TENM4: variants seen among roughly 807,000 people sequenced by gnomAD.
The protein encoded by TENM4 is teneurin-4.
TENM4 carries 82 observed loss-of-function variants against 243.3 expected under a neutral mutation model. The ratio of observed to expected loss-of-function variants is 0.34; its 90% CI spans 0.28 to 0.40. TENM4 has a LOEUF of 0.40. TENM4 is among the 10% of genes least tolerant of loss of function. The pLI is 1.00. For missense variants in TENM4, 3,138 were observed against 3,673.3 expected (o/e 0.85, Z 3.77); for synonymous variants, 1,412 against 1,456.3 (o/e 0.97, Z 0.69).
chr11:79,143,069 C>T (rs1052718827), intron 4 of TENM4, among the ~76,000 whole-genome samples: 49 of 152,232 alleles, frequency 3.2e-4, no homozygotes, highest in African/African-American at 1.2e-3. Context: ...CACTTTTACG[C>T]TGTTGGTGGG....
intron 1 of TENM4, among the ~76,000 whole-genome samples, chr11:79,369,947 A>G (rs1200504373): frequency 1.3e-5 from 2 of 152,282 alleles, no homozygotes; most frequent in South Asian, 2.1e-4. Context: ...TTTCCAGGTG[A>G]AGCAGCTGGA....
chr11:79,097,019 T>G (rs1412896142), intron 4 of TENM4: 6 of 152,224 alleles, frequency 3.9e-5, no homozygotes, highest in Admixed American at 6.5e-5. Context: ...ACCACTAATA[T>G]TTAGTATATG....
intron 2 of TENM4, among the ~76,000 whole-genome samples, chr11:79,237,867 A>C (rs1265752940): frequency 2.6e-5 from 4 of 152,100 alleles, no homozygotes; most frequent in Non-Finnish European, 4.4e-5. Context: ...AGGGACTTCC[A>C]GATAATCAAA....
Position 78,658,406 on chromosome 11 carries a change from T to C in TENM4, c.7962A>G (p.Thr2654=). Residue 2654 remains threonine (T), a synonymous_variant, in exon 34 of 34, where the codon ACA becomes ACG. Coordinates refer to ENST00000278550, the MANE Select transcript of TENM4 (RefSeq NM_001098816.3). Reference sequence around the variant, plus strand: ...AGCGTCTAGTCCTGCCATTAAGTACTGTGTTGATCTGGGACACAGTGACGT... The same window carrying C: ...AGCGTCTAGTCCTGCCATTAAGTACCGTGTTGATCTGGGACACAGTGACGT... ...GVNVTVSQIN[T]VLNGRTRRYT... The C allele has an allele frequency of 3.1e-6, 5 of 1,614,070 alleles. No homozygotes were observed. Among genetic ancestry groups the C allele is most frequent in the Non-Finnish European group, 4.2e-6 (5 of 1,179,894 alleles).
intron 28 of TENM4, among the ~76,000 whole-genome samples, chr11:78,692,222 A>G (rs1158012007): frequency 1.3e-5 from 2 of 152,146 alleles, no homozygotes; most frequent in African/African-American, 4.8e-5. Context: ...TTTCTAACCA[A>G]GAGGAATGAA....
Position 78,805,277 on chromosome 11 carries a change from T to TGCCCCCCCCCCACA in TENM4, c.2179+14_2179+15insTGTGGGGGGGGGGC. 2 of 1,402,550 alleles carry TGCCCCCCCCCCACA rather than the reference T, an allele frequency of 1.4e-6. No individual in the cohort carries two copies. The highest frequency in any genetic ancestry group is 1.9e-6 in the Non-Finnish European group (2 of 1,033,116). 86.9% of individuals were successfully genotyped at this position (1,402,550 alleles called of 1,614,324 possible). A position where few individuals can be genotyped will look rare whatever the true frequency, so the allele number is the denominator to read the frequency against. ...CCCCTCCCTCTACCCATGCTTCTTCTCCCCCTGCATTTACCGATAGAACAG... is the reference window on the plus strand; with the variant it reads ...CCCCTCCCTCTACCCATGCTTCTTCTGCCCCCCCCCCACACCCCCTGCATTTACCGATAGAACAG... On this transcript the variant is annotated intron_variant, in intron 15 of 33. Coordinates refer to ENST00000278550, the MANE Select transcript of TENM4 (RefSeq NM_001098816.3).
At chr11:78,730,637 G>C (rs147225206) in intron 21 of TENM4, among the ~76,000 whole-genome samples, 23 of 152,346 alleles carry the variant, frequency 1.5e-4, no homozygotes, top group Non-Finnish European at 2.9e-4. Context: ...AGCAAAAGCA[G>C]ATAACTTTAT....
intron 1 of TENM4, among the ~76,000 whole-genome samples, chr11:79,341,291 G>A (rs969137354): frequency 6.6e-6 from 1 of 152,130 alleles, no homozygotes; most frequent in Non-Finnish European, 1.5e-5. Context: ...CTGTCAGCAG[G>A]GTTCCCTCTG....
At chr11:78,924,302 C>T (rs1856511427) in intron 6 of TENM4, among the ~76,000 whole-genome samples, 1 of 152,204 alleles carries the variant, frequency 6.6e-6, no homozygotes, top group African/African-American at 2.4e-5. Context: ...GGATGAGAAT[C>T]TGGGTCCTTG....
chr11:78,689,621 G>A (rs1192772542), intron 28 of TENM4, among the ~76,000 whole-genome samples: 2 of 152,144 alleles, frequency 1.3e-5, no homozygotes, highest in Non-Finnish European at 2.9e-5. Flanking sequence ...CTTCTTGCTG[G>A]GATTCCTGGG....
At chr11:79,008,800 T>C (rs1211647348) in intron 6 of TENM4, among the ~76,000 whole-genome samples, 7 of 152,206 alleles carry the variant, frequency 4.6e-5, no homozygotes, top group Admixed American at 4.6e-4. Flanking sequence ...GGCCAAGGGA[T>C]GGACATATTT....
In TENM4 at chr11:78,773,745, G is replaced by A. The variant is rs780347547; in HGVS notation, c.2393-2607C>T. 2.6e-5 allele frequency among the ~76,000 whole-genome samples: 4 copies of A among 152,184 alleles called. No homozygotes were observed. In the East Asian group the frequency reaches 5.8e-4, roughly 22 times the overall value. On this transcript the variant is annotated intron_variant, in intron 17 of 33. Transcript: ENST00000278550. The stretch of plus-strand genomic sequence containing the variant: ...ATTTACAAAAATAGGTGATGGGCCC[G>A]ATTTGGTCTGTGGGCTGTAATTTGC...
intron 1 of TENM4, among the ~76,000 whole-genome samples, chr11:79,437,081 A>G (rs1859286392): frequency 6.6e-6 from 1 of 152,250 alleles, no homozygotes; most frequent in Non-Finnish European, 1.5e-5. Flanking sequence ...ACTCCAGGCA[A>G]TCAGCTCCAA....
intron 6 of TENM4, among the ~76,000 whole-genome samples, chr11:78,928,560 G>A (rs1289923018): frequency 1.3e-5 from 2 of 152,168 alleles, no homozygotes; most frequent in Non-Finnish European, 2.9e-5. Flanking sequence ...GGATAAAGTG[G>A]GGGGTTACAA....
At chr11:78,884,517 G>T (rs1855508295) in intron 9 of TENM4, among the ~76,000 whole-genome samples, 1 of 152,154 alleles carries the variant, frequency 6.6e-6, no homozygotes, top group Non-Finnish European at 1.5e-5. Flanking sequence ...CCCAAGTCTT[G>T]GTTGCATCCC....
intron 2 of TENM4, among the ~76,000 whole-genome samples, chr11:79,228,824 C>T (rs537493386): frequency 1.1e-3 from 160 of 152,252 alleles, no homozygotes; most frequent in Non-Finnish European, 1.9e-3. Context: ...ATATTAACAC[C>T]TTTCATCAGT....
At chr11:79,433,539 C>T (rs577868392) in intron 1 of TENM4, among the ~76,000 whole-genome samples, 2 of 152,242 alleles carry the variant, frequency 1.3e-5, no homozygotes, top group South Asian at 2.1e-4. Flanking sequence ...CATCCCACAG[C>T]GAGAAAAATC....
At chr11:79,292,171 T>G (rs990982605) in intron 2 of TENM4, among the ~76,000 whole-genome samples, 2 of 152,128 alleles carry the variant, frequency 1.3e-5, no homozygotes, top group Non-Finnish European at 2.9e-5. Flanking sequence ...AAGCTCCACA[T>G]GATGAAACAA....
chr11:79,328,991 G>C (rs1857018984), intron 1 of TENM4, among the ~76,000 whole-genome samples: 1 of 152,152 alleles, frequency 6.6e-6, no homozygotes, highest in South Asian at 2.1e-4. Flanking sequence ...CTACAAAACT[G>C]TCCTTCTAGC....
Sources: gnomAD v4.1 joint callset for allele counts (sites outside exome capture counted in the v4.1 genomes callset) on GRCh38, gnomAD v4.1.1 for gene constraint, MANE v1.5 for transcripts, NCBI Gene and HGNC (gene_info 2026-07-23, HGNC 2026-07-21) for gene names.